The following PTK6 variants were observed in gnomAD, a reference collection of about 807,000 sequenced individuals.
PTK6 encodes protein-tyrosine kinase 6.
PTK6 carries 47 observed loss-of-function variants against 47.5 expected under a neutral mutation model. The ratio of observed to expected loss-of-function variants is 0.99; its 90% CI spans 0.78 to 1.26. The LOEUF (loss-of-function observed/expected upper bound fraction) is 1.26, where lower values mean the gene tolerates loss of function less well. PTK6 is among the 50% of genes most tolerant of loss of function. The pLI, the probability that PTK6 is intolerant of heterozygous loss-of-function variation, is 0.00. For missense variants in PTK6, 618 were observed against 625.3 expected (o/e 0.99, Z 0.12); for synonymous variants, 287 against 276.5 (o/e 1.04, Z -0.38).
rs746920191 is a variant in PTK6, at chr20:63,532,620, G to A, written c.738C>T (p.His246=). The A allele has an allele frequency of 4.3e-6, 7 of 1,614,042 alleles. No homozygotes were observed. The South Asian group carries it at 6.6e-5, about 15-fold the overall frequency. The change falls in exon 5 of 8, where the codon CAC becomes CAT. Residue 246 remains histidine, a synonymous_variant. Coordinates refer to ENST00000542869, the MANE Select transcript of PTK6 (RefSeq NM_005975.4). ...IQAMKKLRHK[H]ILALYAVVSV... is the part of the protein sequence containing the mutation. ...ACACCACGGCGTACAGCGCCAGGAT[G>A]TGTTTGTGCCGCAGCTTCTTCATGG...
At chr20:63,531,038 GGAGGGGCCGGGGCAAA>G (rs1232692208) in intron 5 of PTK6, 111 bp from the exon 6 acceptor site, 1 of 1,045,738 alleles carries the variant, frequency 9.6e-7, no homozygotes, top group East Asian at 2.9e-5. Flanking sequence ...CGGGCTCAGA[GGAGGGGCCGGGGCAAA>G]GGGCAGCTGG....
chr20:63,532,242 CTGTG>C (rs1415880198), intron 5 of PTK6, among the ~76,000 whole-genome samples: 2 of 141,732 alleles, frequency 1.4e-5, no homozygotes, highest in East Asian at 2.0e-4. Context: ...TTGTGTGTCT[CTGTG>C]TGTGTGTCTG....
In PTK6 at chr20:63,534,309, T is replaced by C. The variant is rs1166534162; in HGVS notation, c.359A>G (p.Asp120Gly). ...CTTGTAGTGCCGCACAGCCTGCGTG[T>C]CCCGCACTGGGAGGGAGAGCGTGAG... ...PSADYVLSVR[D>G]TQAVRHYKIW... The change falls in exon 3 of 8, where the codon GAC (aspartate) becomes GGC (glycine). Residue 120 changes from aspartate (D) to glycine (G), a missense_variant. By Grantham distance (94) the Asp-to-Gly change is moderately conservative. Coordinates refer to ENST00000542869, the MANE Select transcript of PTK6 (RefSeq NM_005975.4). 5 of 1,602,354 alleles carry C rather than the reference T, an allele frequency of 3.1e-6. No homozygotes were observed. The highest frequency in any genetic ancestry group is 3.4e-6 in the Non-Finnish European group (4 of 1,176,358).
At chr20:63,536,924 G>A (rs2082673941) in intron 1 of PTK6, among the ~76,000 whole-genome samples, 161 bp downstream of exon 1, 1 of 152,258 alleles carries the variant, frequency 6.6e-6, no homozygotes, top group South Asian at 2.1e-4. Flanking sequence ...GGGGCCTGCA[G>A]GGAGGATCAA....
intron 5 of PTK6, among the ~76,000 whole-genome samples, 187 bp downstream of exon 5, chr20:63,532,339 G>GATGTGTCGTGTGTGTGTC (rs2082629931): frequency 7.8e-6 from 1 of 127,630 alleles, no homozygotes; most frequent in African/African-American, 5.3e-5. Context: ...GTGTGCATGT[G>GATGTGTCGTGTGTGTGTC]TGTGTGCATG....
At chr20:63,531,019 C>T in intron 5 of PTK6, 92 bp from the exon 6 acceptor site, 2 of 1,234,184 alleles carry the variant, frequency 1.6e-6, no homozygotes, top group South Asian at 3.2e-5. Context: ...CATCTGCCTC[C>T]AAGCTCTGCG....
chr20:63,529,293 C>T lies in PTK6; in HGVS notation c.*243G>A, dbSNP rs1425277062. The T allele has an allele frequency of 4.8e-6, 2 of 415,398 alleles. No homozygotes were observed. The highest frequency in any genetic ancestry group is 4.3e-5 in the South Asian group (1 of 23,358). 25.7% of individuals were successfully genotyped at this position (415,398 alleles called of 1,614,324 possible). A position where few individuals can be genotyped will look rare whatever the true frequency, so the allele number is the denominator to read the frequency against. On this transcript the variant is annotated 3_prime_UTR_variant, in exon 8 of 8. Coordinates refer to ENST00000542869, the MANE Select transcript of PTK6 (RefSeq NM_005975.4). This position sits in a 1 kb window ranked among gnomAD's most constrained non-coding sequence, Gnocchi z 5.6. ...CTCTGCTGGCTTCGTGTCAGTCTCC[C>T]GGATCTCATCTGCAGGCTCCAGAGC...
At chr20:63,534,815 T>G in intron 2 of PTK6, 123 bp downstream of exon 2, 1 of 1,364,428 alleles carries the variant, frequency 7.3e-7, no homozygotes. Flanking sequence ...GGATGGGAGC[T>G]CCCTGGAGAG....
intron 1 of PTK6, among the ~76,000 whole-genome samples, 160 bp from the exon 2 acceptor site, chr20:63,535,219 A>G (rs1183808526): frequency 6.6e-6 from 1 of 152,102 alleles, no homozygotes; most frequent in East Asian, 1.9e-4. Flanking sequence ...GCTGACCCAG[A>G]CGCCCTGAAT....
chr20:63,531,039 G>A, intron 5 of PTK6, 112 bp from the exon 6 acceptor site: 9 of 1,046,902 alleles, frequency 8.6e-6, no homozygotes, highest in East Asian at 2.9e-5. Context: ...GGGCTCAGAG[G>A]AGGGGCCGGG....
chr20:63,532,225 ATC>A (rs1043027872), intron 5 of PTK6, among the ~76,000 whole-genome samples: 17 of 130,640 alleles, frequency 1.3e-4, no homozygotes, highest in Admixed American at 3.8e-4. Flanking sequence ...TGTCCGTGTG[ATC>A]TGTTTTGTGT....
At position 63,528,351 on chromosome 20, in the gene PTK6, T is replaced by C. The variant is rs2082591062; in HGVS notation, c.*1185A>G. The C allele has an allele frequency of 6.6e-6, 1 of 152,170 alleles. No individual in the cohort carries two copies. The highest frequency in any genetic ancestry group is 2.4e-5 in the African/African-American group (1 of 41,440). The allele number at this position is 152,170 out of a possible 1,614,324, so 9.4% of individuals were successfully genotyped here. Reference sequence around the variant, plus strand: ...TTCACAAGGCAGAAGACAAATCCTTTTGAGAAATCCTAGTACCTTTCCAGA... The same window carrying C: ...TTCACAAGGCAGAAGACAAATCCTTCTGAGAAATCCTAGTACCTTTCCAGA... On this transcript the variant is annotated 3_prime_UTR_variant, in exon 8 of 8. Coordinates refer to ENST00000542869, the MANE Select transcript of PTK6 (RefSeq NM_005975.4).
Position 63,529,822 on chromosome 20 carries a change from G to C in PTK6, c.1169-99C>G. On this transcript the variant is annotated intron_variant, in intron 7 of 7. Transcript: ENST00000542869. The surrounding 1 kb of genome is among the most constrained non-coding windows in gnomAD (Gnocchi z 5.6). ...ACTGCCCCTTCCTGGGGCCTTCCCC[G>C]CAGCCTCAGCTGCCATGCCTTGGCG... The C allele has an allele frequency of 7.6e-7, 1 of 1,317,772 alleles. No homozygotes were observed. Among genetic ancestry groups the C allele is most frequent in the Non-Finnish European group, 1.0e-6 (1 of 972,670 alleles). The allele number at this position is 1,317,772 out of a possible 1,614,324, so 81.6% of individuals were successfully genotyped here.
chr20:63,529,449 G>C lies in PTK6; in HGVS notation c.*87C>G. The C allele has an allele frequency of 7.3e-7, 1 of 1,375,600 alleles. No individual in the cohort carries two copies. The highest frequency in any genetic ancestry group is 9.6e-7 in the Non-Finnish European group (1 of 1,038,608). 85.2% of individuals were successfully genotyped at this position (1,375,600 alleles called of 1,614,324 possible). ...CACCCATCACCTCAGTAAACCCCAGGGAAGCGCGTGGGCCTTGATCCCAGG... is the reference window on the plus strand; with the variant it reads ...CACCCATCACCTCAGTAAACCCCAGCGAAGCGCGTGGGCCTTGATCCCAGG... On this transcript the variant is annotated 3_prime_UTR_variant, in exon 8 of 8. Transcript: ENST00000542869. The surrounding 1 kb of genome is among the most constrained non-coding windows in gnomAD (Gnocchi z 5.6).
intron 5 of PTK6, 73 bp downstream of exon 5, chr20:63,532,453 G>C (rs1028304552): frequency 1.4e-6 from 2 of 1,399,504 alleles, no homozygotes; most frequent in Admixed American, 2.1e-5. Flanking sequence ...GTAGACGTGG[G>C]GGGGGGGTGT....
Position 63,534,219 on chromosome 20 carries a change from T to G in PTK6, c.449A>C (p.Glu150Ala), listed in dbSNP as rs763704391. The G allele has an allele frequency of 8.1e-6, 13 of 1,595,304 alleles. No individual in the cohort carries two copies. In the East Asian group the frequency reaches 1.4e-4, roughly 17 times the overall value. The change falls in exon 3 of 8, where the codon GAG (glutamate) becomes GCG (alanine). Residue 150 changes from glutamate (E) to alanine (A), a missense_variant. By Grantham distance (107) the Glu-to-Ala change is moderately radical. Coordinates refer to ENST00000542869, the MANE Select transcript of PTK6 (RefSeq NM_005975.4). ...CTGGGCCCTGTGGTAGTTCACAAGC[T>G]CGGGCAGGCTGAGGAAGGACACCGC... ...NEAVSFLSLP[E>A]LVNYHRAQSL...
In PTK6 at chr20:63,533,272, TG is replaced by T. The variant is rs1445716006; in HGVS notation, c.670+278del. On this transcript the variant is annotated intron_variant, in intron 4 of 7. Transcript: ENST00000542869. This position sits in a 1 kb window ranked among gnomAD's most constrained non-coding sequence, Gnocchi z 4.0. ...TAGTAGAGACGTGGTTTCCCCATGT[TG>T]GCCAGGCTGGTCTCAAACTCCTGAC... Among the ~76,000 whole-genome samples the T allele has an allele frequency of 5.3e-5, 8 of 152,314 alleles. No homozygotes were observed. The highest frequency in any genetic ancestry group is 1.4e-4 in the African/African-American group (6 of 41,550).
rs377167898 is a variant in PTK6 at position 63,532,704 on chromosome 20, C to G, written c.671-17G>C. On this transcript the variant is annotated splice_polypyrimidine_tract_variant and intron_variant, in intron 4 of 7. Coordinates refer to ENST00000542869, the MANE Select transcript of PTK6 (RefSeq NM_005975.4). Reference sequence around the variant, plus strand: ...GGAGGTTGTCTGCGGGGACGGGTGGCCTCGGTGGATGCAGCCCCTGACCCC... The same window carrying G: ...GGAGGTTGTCTGCGGGGACGGGTGGGCTCGGTGGATGCAGCCCCTGACCCC... The G allele has an allele frequency of 4.2e-4, 681 of 1,611,114 alleles. 1 individual carries two copies. In the Middle Eastern group the frequency reaches 9.5e-3, roughly 23 times the overall value.
At position 63,530,999 on chromosome 20, in the gene PTK6, G is replaced by A; in HGVS notation, c.833-72C>T. The A allele has an allele frequency of 7.3e-7, 1 of 1,366,994 alleles. No homozygotes were observed. Among genetic ancestry groups the A allele is most frequent in the Non-Finnish European group, 9.8e-7 (1 of 1,022,134 alleles). 84.7% of individuals were successfully genotyped at this position (1,366,994 alleles called of 1,614,324 possible). On this transcript the variant is annotated intron_variant, in intron 5 of 7. Coordinates refer to ENST00000542869, the MANE Select transcript of PTK6 (RefSeq NM_005975.4). The surrounding 1 kb of genome is among the most constrained non-coding windows in gnomAD (Gnocchi z 4.1). The stretch of plus-strand genomic sequence containing the variant: ...AGGTGGGGAAGGGTTGGGGAGGCTG[G>A]GCCATGTCTCATCTGCCTCCAAGCT...
Sources: gnomAD v4.1 joint callset for allele counts (sites outside exome capture counted in the v4.1 genomes callset) on GRCh38, gnomAD v4.1.1 for gene constraint, Gnocchi (gnomAD v3.1) non-coding constraint, MANE v1.5 for transcripts, NCBI Gene and HGNC (gene_info 2026-07-23, HGNC 2026-07-21) for gene names.